ENTREP2: variants seen among roughly 807,000 people sequenced by gnomAD.
The protein encoded by ENTREP2 is endosomal transmembrane epsin interactor 2, also known as protein ENTREP2.
chr15:29,524,300 C>G, the ENTREP2 span, among the ~76,000 whole-genome samples: 4 of 152,226 alleles, frequency 2.6e-5, no homozygotes, highest in South Asian at 2.1e-4. Flanking sequence ...GAGGGAAAAG[C>G]ACATCAAAAC....
At chr15:29,373,224 AG>A in the ENTREP2 span, among the ~76,000 whole-genome samples, 3 of 152,160 alleles carry the variant, frequency 2.0e-5, no homozygotes, top group Non-Finnish European at 4.4e-5. Context: ...CCCTCCAAGG[AG>A]GGACAGTGAC....
chr15:29,411,946 T>C, the ENTREP2 span, among the ~76,000 whole-genome samples: 297 of 152,314 alleles, frequency 1.9e-3, 2 homozygotes, highest in Non-Finnish European at 3.0e-3. Flanking sequence ...TTGCATTGTC[T>C]TCCTTTGCAC....
At chr15:29,179,812 C>A in the ENTREP2 span, among the ~76,000 whole-genome samples, 673 of 152,126 alleles carry the variant, frequency 4.4e-3, 2 homozygotes, top group African/African-American at 0.016. Context: ...GTCTCGATCT[C>A]CTGATCTCGT....
chr15:29,277,602 G>A, the ENTREP2 span, among the ~76,000 whole-genome samples: 1 of 152,108 alleles, frequency 6.6e-6, no homozygotes, highest in Non-Finnish European at 1.5e-5. Flanking sequence ...ACAGGAGGTG[G>A]AGCTCGGGCA....
At chr15:29,642,295 G>T in the ENTREP2 span, among the ~76,000 whole-genome samples, 1 of 151,928 alleles carries the variant, frequency 6.6e-6, no homozygotes, top group Non-Finnish European at 1.5e-5. Context: ...TAGATATATA[G>T]ATCAGTGGAA....
At chr15:29,382,848 C>T in the ENTREP2 span, among the ~76,000 whole-genome samples, 1 of 152,180 alleles carries the variant, frequency 6.6e-6, no homozygotes, top group Non-Finnish European at 1.5e-5. Context: ...CCACCCACTA[C>T]CATCTATCTG....
At chr15:29,386,081 G>A in the ENTREP2 span, among the ~76,000 whole-genome samples, 5 of 152,134 alleles carry the variant, frequency 3.3e-5, no homozygotes, top group Admixed American at 2.6e-4. Context: ...TTCGCTGAGA[G>A]CTACCTCCAC....
the ENTREP2 span, among the ~76,000 whole-genome samples, chr15:29,459,356 T>A: frequency 6.6e-6 from 1 of 151,762 alleles, no homozygotes; most frequent in Admixed American, 6.6e-5. Context: ...CCTGGGAGGG[T>A]ACATTTCCTG....
chr15:29,383,551 G>A, the ENTREP2 span, among the ~76,000 whole-genome samples: 2 of 152,286 alleles, frequency 1.3e-5, no homozygotes, highest in Admixed American at 6.5e-5. Flanking sequence ...CCAGGCATCC[G>A]GGCACTGGCT....
At chr15:29,444,074 G>A in the ENTREP2 span, among the ~76,000 whole-genome samples, 123 of 151,984 alleles carry the variant, frequency 8.1e-4, no homozygotes, top group East Asian at 0.019. Flanking sequence ...ACTGCACTCC[G>A]CCTGGGCGAC....
the ENTREP2 span, among the ~76,000 whole-genome samples, chr15:29,487,347 G>C: frequency 2.0e-5 from 3 of 152,108 alleles, no homozygotes; most frequent in African/African-American, 7.2e-5. Flanking sequence ...AAGAAATGAA[G>C]GTCAAGGCAT....
chr15:29,409,984 C>T, the ENTREP2 span, among the ~76,000 whole-genome samples: 1 of 152,206 alleles, frequency 6.6e-6, no homozygotes, highest in South Asian at 2.1e-4. Flanking sequence ...GGACTGCTCG[C>T]CTGCTCAGCT....
chr15:29,280,862 T>G, the ENTREP2 span, among the ~76,000 whole-genome samples: 1 of 152,198 alleles, frequency 6.6e-6, no homozygotes, highest in Admixed American at 6.5e-5. Flanking sequence ...CGGGGCATCC[T>G]TTTTGAGAAG....
chr15:29,396,592 G>A, the ENTREP2 span, among the ~76,000 whole-genome samples: 1 of 152,078 alleles, frequency 6.6e-6, no homozygotes, highest in South Asian at 2.1e-4. Flanking sequence ...AGTGTCCTTT[G>A]ATGCACAAGT....
the ENTREP2 span, among the ~76,000 whole-genome samples, chr15:29,505,019 G>A: frequency 0.011 from 1,719 of 152,298 alleles, 29 homozygotes; most frequent in African/African-American, 0.04. This position sits in a 1 kb window ranked among gnomAD's most constrained non-coding sequence, Gnocchi z 4.3. Context: ...AGAGAAAAAG[G>A]AGAAAAAATG....
the ENTREP2 span, among the ~76,000 whole-genome samples, chr15:29,291,476 C>A: frequency 6.6e-6 from 1 of 152,164 alleles, no homozygotes; most frequent in African/African-American, 2.4e-5. Context: ...GCTCCTTTTG[C>A]CCCATCCACA....
At chr15:29,302,206 A>G in the ENTREP2 span, among the ~76,000 whole-genome samples, 1 of 152,194 alleles carries the variant, frequency 6.6e-6, no homozygotes, top group African/African-American at 2.4e-5. Flanking sequence ...ACCATGTAAC[A>G]AAAATGGAAA....
At chr15:29,320,310 C>A in the ENTREP2 span, among the ~76,000 whole-genome samples, 1 of 152,090 alleles carries the variant, frequency 6.6e-6, no homozygotes, top group East Asian at 1.9e-4. Flanking sequence ...AATCCAAAGA[C>A]AAGAAAAGGA....
the ENTREP2 span, among the ~76,000 whole-genome samples, chr15:29,207,455 C>CGGTGGGGGGGG: frequency 8.1e-6 from 1 of 123,000 alleles, no homozygotes; most frequent in African/African-American, 3.3e-5. Context: ...GGTTGGGGGG[C>CGGTGGGGGGGG]GGGGGGGGTG....
Sources: allele counts gnomAD v4.1 joint callset (sites outside exome capture counted in the v4.1 genomes callset), GRCh38; gene constraint gnomAD v4.1.1; non-coding constraint Gnocchi (gnomAD v3.1); transcripts MANE v1.5; gene names NCBI Gene and HGNC (gene_info 2026-07-23, HGNC 2026-07-21).